The following KMT2C variants were observed in gnomAD, a reference collection of about 807,000 sequenced individuals.
KMT2C encodes the protein lysine methyltransferase 2C.
Under a neutral mutation model 507.9 loss-of-function variants are expected in KMT2C, and 88 were observed. The ratio of observed to expected loss-of-function variants is 0.17; its 90% CI spans 0.15 to 0.21. The LOEUF (loss-of-function observed/expected upper bound fraction) is 0.21. Ranked by LOEUF, KMT2C falls within the 10% of genes least tolerant of loss-of-function variation. KMT2C has a pLI of 1.00. For synonymous variants in KMT2C, 2,049 were observed against 2,080.8 expected (o/e 0.98, Z 0.42); for missense variants, 4,954 against 5,957.8 (o/e 0.83, Z 5.55).
intron 1 of KMT2C, among the ~76,000 whole-genome samples, chr7:152,361,066 T>G: frequency 6.6e-6 from 1 of 152,128 alleles, no homozygotes; most frequent in East Asian, 1.9e-4. Context: ...CATTAGAAAT[T>G]TGTTAATGTT....
At chr7:152,423,173 C>T (rs2097788700) in intron 1 of KMT2C, among the ~76,000 whole-genome samples, 1 of 152,138 alleles carries the variant, frequency 6.6e-6, no homozygotes, top group Non-Finnish European at 1.5e-5. Context: ...AACCCTGTCT[C>T]TACTAAAAAT....
chr7:152,288,230 A>T (rs1291009690), intron 6 of KMT2C, among the ~76,000 whole-genome samples: 71 of 102,404 alleles, frequency 6.9e-4, no homozygotes, highest in African/African-American at 3.2e-3. Flanking sequence ...GAACTGATTT[A>T]AAAAAAAAAA....
intron 1 of KMT2C, among the ~76,000 whole-genome samples, chr7:152,430,088 G>A (rs920774967): frequency 6.7e-6 from 1 of 150,356 alleles, no homozygotes; most frequent in African/African-American, 2.4e-5. Context: ...TGAGTCAGGC[G>A]AATCGCTTGA....
At chr7:152,257,213 C>G (rs933436625) in intron 9 of KMT2C, among the ~76,000 whole-genome samples, 1 of 152,146 alleles carries the variant, frequency 6.6e-6, no homozygotes, top group Non-Finnish European at 1.5e-5. Flanking sequence ...GCCTAACTTG[C>G]CTGGAAGTGA....
chr7:152,278,755 T>C (rs1376776567), intron 6 of KMT2C, among the ~76,000 whole-genome samples: 1 of 152,090 alleles, frequency 6.6e-6, no homozygotes, highest in East Asian at 1.9e-4. Flanking sequence ...TATTTCATAA[T>C]AACCTAAGTT....
In KMT2C at chr7:152,252,715, T is replaced by G. The variant is rs148595182; in HGVS notation, c.1300A>C (p.Asn434His). 8.8e-6 allele frequency: 14 copies of G among 1,583,966 alleles called. No homozygotes were observed. Among genetic ancestry groups the G allele is most frequent in the Admixed American group, 3.5e-5 (2 of 57,424 alleles). ...CCACACTCTATACATATTCTGCAAT[T>G]CTAAACACCAGGAAAAATAAAAACA... ...SVPTNGWKCK[N>H]CRICIECGTR... The change falls in exon 10 of 59, where the codon AAT (asparagine) becomes CAT (histidine). Residue 434 changes from asparagine (N) to histidine (H), a missense_variant and splice_region_variant. Around this residue, in one of 29 missense-constraint regions of KMT2C, gnomAD observed 14 missense variants for 23.2 expected, o/e 0.60. Coordinates refer to ENST00000262189, the MANE Select transcript of KMT2C (RefSeq NM_170606.3).
intron 11 of KMT2C, 111 bp downstream of exon 11, chr7:152,251,828 G>A (rs2095566996): frequency 1.6e-6 from 1 of 625,620 alleles, no homozygotes; most frequent in Non-Finnish European, 2.5e-6. Context: ...AGAACAAGAT[G>A]GAATCTGGAA....
At chr7:152,145,358 G>T in intron 53 of KMT2C, 63 bp from the exon 54 acceptor site, 1 of 1,535,866 alleles carries the variant, frequency 6.5e-7, no homozygotes, top group Non-Finnish European at 8.9e-7. Flanking sequence ...ACAATCTCAA[G>T]CTGGTCAAAG....
intron 6 of KMT2C, among the ~76,000 whole-genome samples, chr7:152,309,540 A>G (rs1157235375): frequency 7.2e-6 from 1 of 138,320 alleles, no homozygotes; most frequent in African/African-American, 2.8e-5. Context: ...TTTTTAATTA[A>G]ACGGAGTCTC....
At chr7:152,292,320 T>G (rs1271076634) in intron 6 of KMT2C, among the ~76,000 whole-genome samples, 1 of 152,176 alleles carries the variant, frequency 6.6e-6, no homozygotes, top group African/African-American at 2.4e-5. Flanking sequence ...CAGGGCAATA[T>G]GTGTGGCGCG....
intron 31 of KMT2C, among the ~76,000 whole-genome samples, chr7:152,188,136 C>T (rs906158393): frequency 2.0e-5 from 3 of 152,182 alleles, no homozygotes; most frequent in African/African-American, 7.2e-5. Flanking sequence ...GATGCTTATA[C>T]TTCTAAATCA....
At chr7:152,160,641 TTATA>T (rs973158660) in intron 43 of KMT2C, among the ~76,000 whole-genome samples, 1 of 146,730 alleles carries the variant, frequency 6.8e-6, no homozygotes, top group African/African-American at 2.5e-5. Context: ...ATATTTATAT[TTATA>T]TATATATTTA....
Position 152,307,114 on chromosome 7 carries a change from T to C in KMT2C, c.849+2852A>G, listed in dbSNP as rs1001429867. ...CAAGGGTGCCAATGAGCCGTGATCA[T>C]GCCACTGCTCTCCAGCCTGGACAAC... On this transcript the variant is annotated intron_variant, in intron 6 of 58. Coordinates refer to ENST00000262189, the MANE Select transcript of KMT2C (RefSeq NM_170606.3). 2.2e-4 allele frequency among the ~76,000 whole-genome samples: 33 copies of C among 148,752 alleles called. 1 individual carries two copies. Among genetic ancestry groups the C allele is most frequent in the African/African-American group, 7.7e-4 (31 of 40,040 alleles).
intron 16 of KMT2C, among the ~76,000 whole-genome samples, chr7:152,234,370 G>A (rs186315283): frequency 2.2e-4 from 34 of 151,224 alleles, no homozygotes; most frequent in African/African-American, 5.8e-4. Context: ...CAACAAGAGC[G>A]AAACTCTATC....
At chr7:152,352,635 C>T (rs1231862975) in intron 2 of KMT2C, among the ~76,000 whole-genome samples, 1 of 152,142 alleles carries the variant, frequency 6.6e-6, no homozygotes, top group African/African-American at 2.4e-5. Context: ...TAGAAAAGAA[C>T]CTACGTGAAT....
chr7:152,216,946 T>C (rs1009753625), intron 23 of KMT2C, among the ~76,000 whole-genome samples: 1 of 152,168 alleles, frequency 6.6e-6, no homozygotes, highest in African/African-American at 2.4e-5. Context: ...GCATGCATCC[T>C]TGCACCTCAT....
intron 1 of KMT2C, among the ~76,000 whole-genome samples, chr7:152,407,273 G>A (rs989291265): frequency 6.7e-6 from 1 of 150,260 alleles, no homozygotes; most frequent in East Asian, 2.0e-4. Flanking sequence ...ATATAACAAA[G>A]GACTAAGAAA....
At chr7:152,240,378 C>T (rs368989584) in intron 14 of KMT2C, among the ~76,000 whole-genome samples, 3,548 of 117,778 alleles carry the variant, frequency 0.03, no homozygotes, top group African/African-American at 0.059. Context: ...CACTGCCTTC[C>T]TCGCTAATCT....
intron 2 of KMT2C, 48 bp downstream of exon 2, chr7:152,358,539 T>C (rs1242020423): frequency 8.6e-7 from 1 of 1,169,382 alleles, no homozygotes; most frequent in East Asian, 2.3e-5. Context: ...TGTACAAACA[T>C]ATGCAAAGCA....
Sources: gnomAD v4.1 joint callset for allele counts (sites outside exome capture counted in the v4.1 genomes callset) on GRCh38, gnomAD v4.1.1 for gene constraint, gnomAD v4.1.1 regional missense constraint, MANE v1.5 for transcripts, NCBI Gene and HGNC (gene_info 2026-07-23, HGNC 2026-07-21) for gene names.